Variants in DPP10 observed in about 807,000 individuals in gnomAD.
The protein encoded by DPP10 is dipeptidyl peptidase like 10, also known as inactive dipeptidyl peptidase 10.
Under a neutral mutation model 120.9 loss-of-function variants are expected in DPP10, and 33 were observed. The ratio of observed to expected loss-of-function variants is 0.27; its 90% CI spans 0.21 to 0.37. The LOEUF (loss-of-function observed/expected upper bound fraction) is 0.37, where lower values mean the gene tolerates loss of function less well. Among genes scored for constraint, DPP10 ranks in the 10% least tolerant of loss-of-function variants. The pLI, the probability that DPP10 is intolerant of heterozygous loss-of-function variation, is 1.00. For missense variants in DPP10, 816 were observed against 942.8 expected (o/e 0.87, Z 1.76); for synonymous variants, 337 against 326.1 (o/e 1.03, Z -0.36).
intron 1 of DPP10, among the ~76,000 whole-genome samples, chr2:114,808,104 T>C (rs1684888704): frequency 6.6e-6 from 1 of 152,184 alleles, no homozygotes; most frequent in African/African-American, 2.4e-5. Flanking sequence ...TGAACACACG[T>C]CCTTTTATGA....
intron 1 of DPP10, among the ~76,000 whole-genome samples, chr2:114,857,111 T>G (rs1689427087): frequency 6.6e-6 from 1 of 152,164 alleles, no homozygotes; most frequent in African/African-American, 2.4e-5. Context: ...CTAACACGGG[T>G]TTACCTGAGT....
chr2:115,811,746 T>G (rs1686670938), intron 19 of DPP10, among the ~76,000 whole-genome samples: 1 of 152,194 alleles, frequency 6.6e-6, no homozygotes, highest in Non-Finnish European at 1.5e-5. Flanking sequence ...TGCACTTTTT[T>G]TATATCCTTG....
intron 1 of DPP10, among the ~76,000 whole-genome samples, chr2:114,757,876 G>A (rs1042631853): frequency 3.3e-5 from 5 of 152,218 alleles, no homozygotes; most frequent in Non-Finnish European, 7.3e-5. Context: ...TTGAAACACA[G>A]CTAGTAAATA....
intron 1 of DPP10, among the ~76,000 whole-genome samples, chr2:114,503,997 T>C (rs1683421329): frequency 6.6e-6 from 1 of 152,210 alleles, no homozygotes; most frequent in African/African-American, 2.4e-5. Context: ...ATAGATATGT[T>C]TTAACCAAGT....
rs528101157 is a variant in DPP10, at chr2:114,762,919, G to A, written c.60+320081G>A. ...TTTTCAAAATGTAGGGAAGGAAACA[G>A]ATGAGTAAAATAGTCAATAAAATAT... On this transcript the variant is annotated intron_variant, in intron 1 of 25. Transcript: ENST00000410059. Among the ~76,000 whole-genome samples, 6 of 152,318 alleles carry A rather than the reference G, an allele frequency of 3.9e-5. 1 individual carries two copies. In the South Asian group the frequency reaches 1.2e-3, roughly 32 times the overall value.
At chr2:114,942,350 CA>C (rs1558904148) in intron 1 of DPP10, among the ~76,000 whole-genome samples, 3 of 113,276 alleles carry the variant, frequency 2.6e-5, no homozygotes, top group African/African-American at 1.0e-4. Flanking sequence ...CGTATATATA[CA>C]TATATATATA....
At chr2:114,497,260 TGTATACATGTACATGTATAC>T (rs1682660707) in intron 1 of DPP10, among the ~76,000 whole-genome samples, 4 of 100,272 alleles carry the variant, frequency 4.0e-5, no homozygotes, top group African/African-American at 1.5e-4. Flanking sequence ...CATGTACGTG[TGTATACATGTACATGTATAC>T]GTGTATACAT....
At chr2:114,909,923 A>C (rs1257225786) in intron 1 of DPP10, among the ~76,000 whole-genome samples, 1 of 151,952 alleles carries the variant, frequency 6.6e-6, no homozygotes, top group East Asian at 1.9e-4. Context: ...AGACGTAATG[A>C]ACTACAGACT....
chr2:114,511,547 TATG>T, intron 1 of DPP10, among the ~76,000 whole-genome samples: 1 of 152,242 alleles, frequency 6.6e-6, no homozygotes, highest in African/African-American at 2.4e-5. Flanking sequence ...AGAACAAATA[TATG>T]GAAAAATATG....
intron 1 of DPP10, among the ~76,000 whole-genome samples, chr2:115,279,254 A>G (rs1224531723): frequency 1.3e-5 from 2 of 152,184 alleles, no homozygotes; most frequent in South Asian, 2.1e-4. Context: ...AAATAGACAC[A>G]AGGGAACACC....
intron 1 of DPP10, among the ~76,000 whole-genome samples, chr2:115,223,606 G>T (rs2057289704): frequency 1.3e-5 from 2 of 152,076 alleles, no homozygotes; most frequent in African/African-American, 4.8e-5. Context: ...TAAAGAAAAT[G>T]ATTAAACAAA....
chr2:114,931,584 T>G (rs1696072542), intron 1 of DPP10, among the ~76,000 whole-genome samples: 1 of 152,202 alleles, frequency 6.6e-6, no homozygotes, highest in African/African-American at 2.4e-5. Context: ...CAGGATCAAA[T>G]TTCAACATGA....
intron 10 of DPP10, among the ~76,000 whole-genome samples, 162 bp from the exon 11 acceptor site, chr2:115,753,012 A>T (rs1678944046): frequency 6.6e-6 from 1 of 152,170 alleles, no homozygotes; most frequent in African/African-American, 2.4e-5. Flanking sequence ...TATTGAAAAG[A>T]GCAGATATCT....
chr2:114,796,850 A>G (rs1175337018), intron 1 of DPP10, among the ~76,000 whole-genome samples: 1 of 152,202 alleles, frequency 6.6e-6, no homozygotes, highest in Non-Finnish European at 1.5e-5. Context: ...GCTAAAAACA[A>G]TGCCTGTTTA....
chr2:114,720,532 G>T (rs914728045), intron 1 of DPP10, among the ~76,000 whole-genome samples: 1 of 152,096 alleles, frequency 6.6e-6, no homozygotes, highest in East Asian at 1.9e-4. Flanking sequence ...CAAAAAAATA[G>T]AGTTAAGATA....
At chr2:115,289,889 A>C (rs1331928932) in intron 1 of DPP10, among the ~76,000 whole-genome samples, 4 of 152,158 alleles carry the variant, frequency 2.6e-5, no homozygotes, top group Non-Finnish European at 5.9e-5. Flanking sequence ...GAAACCTTAC[A>C]AATTCTAGAA....
intron 5 of DPP10, among the ~76,000 whole-genome samples, chr2:115,612,493 G>T (rs1375152): frequency 0.99 from 150,422 of 152,300 alleles, 74,316 homozygotes; most frequent in East Asian, 1. Flanking sequence ...TATCATTATT[G>T]CATTTACATA....
chr2:114,646,204 GGA>G (rs1440265804), intron 1 of DPP10, among the ~76,000 whole-genome samples: 2 of 130,030 alleles, frequency 1.5e-5, no homozygotes, highest in East Asian at 4.5e-4. Context: ...ATAAAAAGGG[GGA>G]GAGGGGATCA....
chr2:115,678,389 G>A (rs977071997), intron 5 of DPP10, among the ~76,000 whole-genome samples: 9 of 152,354 alleles, frequency 5.9e-5, no homozygotes, highest in Non-Finnish European at 7.3e-5. Flanking sequence ...AAGGGGCCGC[G>A]GCACAGCTCT....
Sources: gnomAD v4.1 joint callset for allele counts (sites outside exome capture counted in the v4.1 genomes callset) on GRCh38, gnomAD v4.1.1 for gene constraint, MANE v1.5 for transcripts, NCBI Gene and HGNC (gene_info 2026-07-23, HGNC 2026-07-21) for gene names.